GON4L: variants seen among roughly 807,000 people sequenced by gnomAD.
The protein encoded by GON4L is GON-4-like protein.
In GON4L, 87 loss-of-function variants were observed where a neutral mutation model predicts 211.8. The ratio of observed to expected loss-of-function variants is 0.41; its 90% CI spans 0.35 to 0.49. The LOEUF (loss-of-function observed/expected upper bound fraction) is 0.49, where lower values mean the gene tolerates loss of function less well. Among genes scored for constraint, GON4L ranks in the 20% least tolerant of loss-of-function variants. The pLI, the probability that GON4L is intolerant of heterozygous loss-of-function variation, is 0.15. For missense variants in GON4L, 2,155 were observed against 2,659.5 expected, an observed-to-expected ratio of 0.81 and a Z score of 4.17; for synonymous variants, 875 against 962.6, an observed-to-expected ratio of 0.91 and a Z score of 1.68.
At chr1:155,774,411 C>T (rs1230520457) in intron 17 of GON4L, among the ~76,000 whole-genome samples, 1 of 150,954 alleles carries the variant, frequency 6.6e-6, no homozygotes, top group Non-Finnish European at 1.5e-5. Context: ...TGGGTTCAAG[C>T]GATTCTCCTG....
chr1:155,771,578 T>C (rs910789658), intron 18 of GON4L, among the ~76,000 whole-genome samples: 5 of 152,152 alleles, frequency 3.3e-5, no homozygotes, highest in African/African-American at 9.7e-5. Context: ...GCTCAAGCGA[T>C]TCCCGTACTT....
chr1:155,781,717 TC>T (rs1478016350), intron 14 of GON4L, among the ~76,000 whole-genome samples: 2 of 152,086 alleles, frequency 1.3e-5, no homozygotes, highest in Non-Finnish European at 2.9e-5. Context: ...TGCCTTGGCC[TC>T]CCAAAATGCT....
intron 18 of GON4L, among the ~76,000 whole-genome samples, chr1:155,772,660 T>G (rs1179386390): frequency 6.6e-6 from 1 of 151,912 alleles, no homozygotes; most frequent in Non-Finnish European, 1.5e-5. Context: ...CCGTGGAGGC[T>G]GAGGTGCAAG....
At chr1:155,748,219 A>C, downstream of GON4L, 1 of 1,392,660 alleles carries the variant, frequency 7.2e-7, no homozygotes, top group Non-Finnish European at 9.8e-7. Context: ...TCTGTTCCTG[A>C]GGCCCGAGCT....
chr1:155,791,905 AAC>A (rs1665619252), intron 12 of GON4L, among the ~76,000 whole-genome samples: 4 of 122,488 alleles, frequency 3.3e-5, no homozygotes, highest in South Asian at 2.6e-4. Context: ...AACATAACAT[AAC>A]ATAACATAAC....
At chr1:155,774,714 T>TACC in intron 17 of GON4L, 2 of 507,752 alleles carry the variant, frequency 3.9e-6, no homozygotes, top group Middle Eastern at 1.1e-3. Flanking sequence ...TCCTAATACT[T>TACC]ACCCCTCATA....
rs1350625265 is a variant in GON4L at position 155,822,454 on chromosome 1, A to C, written c.720T>G (p.Ser240Arg). 2.5e-6 allele frequency: 4 copies of C among 1,613,042 alleles called. No individual in the cohort carries two copies. Among genetic ancestry groups the C allele is most frequent in the Non-Finnish European group, 3.4e-6 (4 of 1,179,550 alleles). ...IPMEEQDNEE[S>R]EKRRKKKKGT... Reference sequence around the variant, plus strand: ...CCTTTTTCTTTTTTCTCCTTTTCTCACTTTCTTCATTGTCTTGTTCTTCTG... The same window carrying C: ...CCTTTTTCTTTTTTCTCCTTTTCTCCCTTTCTTCATTGTCTTGTTCTTCTG... The change falls in exon 4 of 32, where the codon AGT becomes AGG. Residue 240 changes from serine (S) to arginine (R), a missense_variant. Transcript: ENST00000368331.
In GON4L at chr1:155,765,020, G is replaced by C. The variant is rs756922226; in HGVS notation, c.4453C>G (p.Leu1485Val). 6.2e-7 allele frequency: 1 copy of C among 1,614,002 alleles called. No homozygotes were observed. Among genetic ancestry groups the C allele is most frequent in the Admixed American group, 1.7e-5 (1 of 60,018 alleles). Residue 1485 changes from leucine (L) to valine (V), a missense_variant, in exon 21 of 32, where the codon CTT becomes GTT. Physicochemically the swap from Leu to Val is conservative, Grantham distance 32. Transcript: ENST00000368331. ...EMSSASEESV[L>V]SVPELQETME... ...CTCACCTGGAGTTCTGGGACAGAAA[G>C]CACAGATTCCTCAGAAGCTGATGAC...
At chr1:155,857,989 C>A (rs1342164931), upstream of GON4L, among the ~76,000 whole-genome samples, 1 of 152,146 alleles carries the variant, frequency 6.6e-6, no homozygotes, top group Non-Finnish European at 1.5e-5. Context: ...ATTATTATAT[C>A]ATATTCCAGT....
At chr1:155,774,612 T>C (rs1033949336) in intron 17 of GON4L, among the ~76,000 whole-genome samples, 1 of 152,124 alleles carries the variant, frequency 6.6e-6, no homozygotes, top group African/African-American at 2.4e-5. Context: ...TGGCCTTAGT[T>C]GATCTTAATG....
chr1:155,833,157 T>G (rs987324197), intron 2 of GON4L, among the ~76,000 whole-genome samples: 1 of 152,230 alleles, frequency 6.6e-6, no homozygotes, highest in Non-Finnish European at 1.5e-5. Context: ...TCCGGATATC[T>G]GTGAACTGAT....
At chr1:155,776,614 A>C (rs1663849349) in intron 15 of GON4L, 133 bp from the exon 16 acceptor site, 4 of 767,350 alleles carry the variant, frequency 5.2e-6, no homozygotes, top group Non-Finnish European at 9.1e-6. Flanking sequence ...GCAGTGATGC[A>C]ATCATGGCTC....
At chr1:155,785,521 G>C in intron 12 of GON4L, 147 bp from the exon 13 acceptor site, 1 of 705,236 alleles carries the variant, frequency 1.4e-6, no homozygotes, top group East Asian at 2.7e-5. Flanking sequence ...GTCTCACTAT[G>C]TCACTCAGGC....
chr1:155,771,022 A>G, intron 19 of GON4L, 45 bp downstream of exon 19: 1 of 1,612,018 alleles, frequency 6.2e-7, no homozygotes, highest in Non-Finnish European at 8.5e-7. Flanking sequence ...AAGAATGGGT[A>G]CATATTGGTG....
chr1:155,821,488 C>G lies in GON4L; in HGVS notation c.949G>C (p.Asp317His). Reference protein sequence around the residue: ...MMKAAISETEDMPMFEPKMTR... With the variant: ...MMKAAISETEHMPMFEPKMTR... ...CAACTACTCACAAACATTGGCATAT[C>G]TTCCGTCTCACTGATGGCTGCTTTC... Residue 317 changes from aspartate to histidine, a missense_variant, in exon 5 of 32, where the codon GAT becomes CAT. By Grantham distance (81) the Asp-to-His change is moderately conservative. This residue lies in a region of GON4L where 551 missense variants were observed against 854.0 expected (regional missense o/e 0.65). Transcript: ENST00000368331. The G allele has an allele frequency of 6.3e-7, 1 of 1,589,906 alleles. No individual in the cohort carries two copies. Among genetic ancestry groups the G allele is most frequent in the Non-Finnish European group, 8.6e-7 (1 of 1,158,002 alleles).
intron 27 of GON4L, 36 bp from the exon 28 acceptor site, chr1:155,754,524 GTTTT>G (rs760971402): frequency 5.2e-3 from 2,467 of 472,446 alleles, no homozygotes; most frequent in African/African-American, 0.011. Flanking sequence ...CTGCCAAGTT[GTTTT>G]TTTTTTTTTT....
chr1:155,761,551 A>C (rs1283395419), intron 23 of GON4L, among the ~76,000 whole-genome samples: 1 of 146,182 alleles, frequency 6.8e-6, no homozygotes, highest in Non-Finnish European at 1.5e-5. Flanking sequence ...GCTGGAGTGC[A>C]GTGGTGCGAT....
At chr1:155,783,681 T>C (rs1664641667) in intron 14 of GON4L, among the ~76,000 whole-genome samples, 1 of 152,026 alleles carries the variant, frequency 6.6e-6, no homozygotes, top group Non-Finnish European at 1.5e-5. Context: ...CAATATGGGG[T>C]AGTTTGTGTG....
At chr1:155,793,256 T>A (rs1448659528) in intron 12 of GON4L, among the ~76,000 whole-genome samples, 5 of 152,130 alleles carry the variant, frequency 3.3e-5, no homozygotes, top group African/African-American at 4.8e-5. Context: ...TCAAAATAAA[T>A]GAAAGATCTT....
Sources: allele counts gnomAD v4.1 joint callset (sites outside exome capture counted in the v4.1 genomes callset), GRCh38; gene constraint gnomAD v4.1.1; regional missense constraint gnomAD v4.1.1; transcripts MANE v1.5; gene names NCBI Gene and HGNC (gene_info 2026-07-23, HGNC 2026-07-21).